PLEKHM1: variants seen among roughly 807,000 people sequenced by gnomAD.
The protein encoded by PLEKHM1 is pleckstrin homology domain-containing family M member 1.
Under a neutral mutation model 94.3 loss-of-function variants are expected in PLEKHM1, and 28 were observed. That is an observed-to-expected ratio of 0.30 (90% CI 0.22 to 0.41). The LOEUF is 0.41. Ranked by LOEUF, PLEKHM1 falls within the 10% of genes least tolerant of loss-of-function variation. The pLI is 1.00. For missense variants in PLEKHM1, 907 were observed against 1,358.6 expected (o/e 0.67, Z 5.22); for synonymous variants, 424 against 581.2 (o/e 0.73, Z 3.89).
rs1597900400 is a variant in PLEKHM1, at chr17:45,436,464, G to A, written c.*1394C>T. On this transcript the variant is annotated 3_prime_UTR_variant, in exon 12 of 12. Transcript: ENST00000430334. ...AGCAGCTAATCGCCCCCAGGGAAGG[G>A]TGGGGGTGGGCTCATCTCTGACAGT... 2.2e-6 allele frequency: 1 copy of A among 453,508 alleles called. No homozygotes were observed. The highest frequency in any genetic ancestry group is 7.0e-5 in the East Asian group (1 of 14,372). 28.1% of individuals were successfully genotyped at this position (453,508 alleles called of 1,614,324 possible). A position where few individuals can be genotyped will look rare whatever the true frequency, so the allele number is the denominator to read the frequency against.
At chr17:45,448,845 T>C (rs1464670017) in intron 8 of PLEKHM1, among the ~76,000 whole-genome samples, 3 of 152,232 alleles carry the variant, frequency 2.0e-5, no homozygotes, top group East Asian at 1.9e-4. Flanking sequence ...TCAAAAGCAT[T>C]TGGTGAACAT....
At chr17:45,451,246 G>A (rs2050766373) in intron 7 of PLEKHM1, among the ~76,000 whole-genome samples, 1 of 152,224 alleles carries the variant, frequency 6.6e-6, no homozygotes, top group Admixed American at 6.5e-5. Context: ...CCAGGGTCGG[G>A]GCTGGCAACA....
At chr17:45,486,449 C>G (rs2052132443) in intron 1 of PLEKHM1, among the ~76,000 whole-genome samples, 1 of 151,572 alleles carries the variant, frequency 6.6e-6, no homozygotes, top group South Asian at 2.1e-4. Flanking sequence ...GGGCGGGCAC[C>G]TGTAGTCCCA....
chr17:45,448,547 C>A (rs1411524113), intron 8 of PLEKHM1, among the ~76,000 whole-genome samples: 1 of 152,112 alleles, frequency 6.6e-6, no homozygotes, highest in Non-Finnish European at 1.5e-5. Flanking sequence ...AAATTTGCAC[C>A]CCTTGAGGCA....
chr17:45,480,379 G>C (rs1423688302), intron 2 of PLEKHM1, among the ~76,000 whole-genome samples: 1 of 152,104 alleles, frequency 6.6e-6, no homozygotes, highest in Non-Finnish European at 1.5e-5. Context: ...AGCTACTTGG[G>C]AGGCAGAGGC....
In PLEKHM1 at chr17:45,459,549, C is replaced by A. The variant is rs2051088059; in HGVS notation, c.1309-1110G>T. ...CGGCTGATGGACATTTGGGTTGTTT[C>A]TACTTTTTGTCAATTATGAATAGTG... On this transcript the variant is annotated intron_variant, in intron 5 of 11. Transcript: ENST00000430334. 5 of 149,430 alleles carry A rather than the reference C, an allele frequency of 3.3e-5. No homozygotes were observed. In the Admixed American group the frequency reaches 3.4e-4, roughly 10 times the overall value. 9.3% of individuals were successfully genotyped at this position (149,430 alleles called of 1,614,324 possible).
At chr17:45,474,150 G>A (rs991888928) in intron 4 of PLEKHM1, among the ~76,000 whole-genome samples, 10 of 151,172 alleles carry the variant, frequency 6.6e-5, no homozygotes, top group South Asian at 2.1e-4. Flanking sequence ...TCCACCTCCC[G>A]GGTTCATGCC....
intron 8 of PLEKHM1, chr17:45,446,089 G>C (rs1408381071): frequency 1.4e-5 from 4 of 291,900 alleles, no homozygotes; most frequent in Non-Finnish European, 2.7e-5. Flanking sequence ...GGCTGAGTCA[G>C]GCTCCAGCCA....
intron 10 of PLEKHM1, 174 bp downstream of exon 10, chr17:45,439,989 G>A (rs528669784): frequency 1.3e-4 from 89 of 681,392 alleles, no homozygotes; most frequent in Non-Finnish European, 2.1e-4. Flanking sequence ...GGGGGTATCC[G>A]TCCCTGCCCA....
chr17:45,490,172 G>A (rs866602799), intron 1 of PLEKHM1, among the ~76,000 whole-genome samples: 2 of 151,956 alleles, frequency 1.3e-5, no homozygotes, highest in South Asian at 4.2e-4. Flanking sequence ...GCAGATCTTG[G>A]GGAGCTAGAC....
intron 3 of PLEKHM1, among the ~76,000 whole-genome samples, chr17:45,476,522 C>T (rs1181711179): frequency 1.3e-5 from 2 of 152,042 alleles, no homozygotes; most frequent in Non-Finnish European, 2.9e-5. Context: ...AATATCAAAT[C>T]AATAAGGCAA....
intron 2 of PLEKHM1, among the ~76,000 whole-genome samples, chr17:45,479,395 G>A (rs978661045): frequency 6.6e-6 from 1 of 152,136 alleles, no homozygotes; most frequent in Non-Finnish European, 1.5e-5. Flanking sequence ...GGCAGCGCCT[G>A]TAGTCCCAGC....
chr17:45,455,648 G>T (rs577778968), intron 6 of PLEKHM1, among the ~76,000 whole-genome samples: 2 of 152,096 alleles, frequency 1.3e-5, no homozygotes, highest in South Asian at 2.1e-4. Flanking sequence ...TCTTTCTTTC[G>T]CAGCCTACAT....
chr17:45,447,830 T>C (rs1483378182), intron 8 of PLEKHM1: 3 of 151,286 alleles, frequency 2.0e-5, no homozygotes, highest in African/African-American at 7.3e-5. Context: ...GGGGTTTCGC[T>C]CTTGTTGCCC....
chr17:45,447,634 G>A (rs1008359714), intron 8 of PLEKHM1, among the ~76,000 whole-genome samples: 3 of 152,244 alleles, frequency 2.0e-5, no homozygotes, highest in African/African-American at 7.2e-5. Context: ...CTCAGCACCA[G>A]TGGGTCAGCC....
In PLEKHM1 at chr17:45,444,028, G is replaced by A. The variant is rs980197798; in HGVS notation, c.2837+1442C>T. On this transcript the variant is annotated intron_variant, in intron 9 of 11. Coordinates refer to ENST00000430334, the MANE Select transcript of PLEKHM1 (RefSeq NM_014798.3). This position sits in a 1 kb window ranked among gnomAD's most constrained non-coding sequence, Gnocchi z 5.0. ...AATTCTCCTCTCTGCCTAGGGGAGA[G>A]CCCCCTGCAGTACCCCTTGAGAGCC... Among the ~76,000 whole-genome samples the A allele has an allele frequency of 8.5e-5, 13 of 152,264 alleles. No homozygotes were observed. The highest frequency in any genetic ancestry group is 3.1e-4 in the African/African-American group (13 of 41,560).
intron 8 of PLEKHM1, among the ~76,000 whole-genome samples, chr17:45,447,216 G>A (rs1321541826): frequency 2.0e-5 from 3 of 152,182 alleles, no homozygotes; most frequent in African/African-American, 2.4e-5. Flanking sequence ...GTATTTGGGG[G>A]CTGAGGGGGC....
At chr17:45,476,416 C>T (rs1200052422) in intron 3 of PLEKHM1, among the ~76,000 whole-genome samples, 3 of 151,858 alleles carry the variant, frequency 2.0e-5, no homozygotes, top group Non-Finnish European at 4.4e-5. Flanking sequence ...TGTAGGAAAT[C>T]AACAACCCTG....
chr17:45,479,143 G>A (rs1296942106), intron 2 of PLEKHM1, among the ~76,000 whole-genome samples: 1 of 151,984 alleles, frequency 6.6e-6, no homozygotes, highest in Non-Finnish European at 1.5e-5. Context: ...GGAGGCCAAG[G>A]CAGGCGGATC....
Sources: allele counts gnomAD v4.1 joint callset (sites outside exome capture counted in the v4.1 genomes callset), GRCh38; gene constraint gnomAD v4.1.1; non-coding constraint Gnocchi (gnomAD v3.1); transcripts MANE v1.5; gene names NCBI Gene and HGNC (gene_info 2026-07-23, HGNC 2026-07-21).